The following PRKN variants were observed in gnomAD, a reference collection of about 807,000 sequenced individuals.
The protein encoded by PRKN is parkin RBR E3 ubiquitin protein ligase.
Under a neutral mutation model 59.5 loss-of-function variants are expected in PRKN, and 56 were observed. The observed-to-expected ratio is 0.94, with a 90% CI of 0.76 to 1.18. The LOEUF (loss-of-function observed/expected upper bound fraction) is 1.18, where lower values mean the gene tolerates loss of function less well. Ranked by LOEUF, PRKN falls within the 50% of genes most tolerant of loss-of-function variation. The pLI is 0.00. For synonymous variants in PRKN, 250 were observed against 222.1 expected, an observed-to-expected ratio of 1.13 and a Z score of -1.12; for missense variants, 657 against 596.4, an observed-to-expected ratio of 1.10 and a Z score of -1.06.
intron 9 of PRKN, among the ~76,000 whole-genome samples, chr6:161,531,395 A>AT (rs1470314689): frequency 6.6e-6 from 1 of 152,006 alleles, no homozygotes; most frequent in Non-Finnish European, 1.5e-5. Context: ...AAAAAAAAAA[A>AT]AATTAATTGT....
intron 1 of PRKN, among the ~76,000 whole-genome samples, chr6:162,623,583 T>C (rs1481136571): frequency 6.6e-6 from 1 of 152,228 alleles, no homozygotes; most frequent in South Asian, 2.1e-4. Context: ...AGCTAGAGAC[T>C]GGCCGAAGAA....
At chr6:162,345,085 C>T (rs564420325) in intron 2 of PRKN, among the ~76,000 whole-genome samples, 3 of 152,306 alleles carry the variant, frequency 2.0e-5, no homozygotes, top group Admixed American at 1.3e-4. Context: ...CTGAGTTCAT[C>T]CCCAGGCCCC....
intron 7 of PRKN, among the ~76,000 whole-genome samples, chr6:161,654,053 G>A (rs546837269): frequency 1.1e-3 from 164 of 151,872 alleles, no homozygotes; most frequent in African/African-American, 3.4e-3. Context: ...GGCTGGTCTC[G>A]ACTCTTGGCC....
chr6:162,608,873 G>A (rs1343037596), intron 1 of PRKN, among the ~76,000 whole-genome samples: 4 of 152,028 alleles, frequency 2.6e-5, no homozygotes, highest in African/African-American at 4.8e-5. Flanking sequence ...GGGACAGGAG[G>A]GTATCTACTG....
chr6:162,600,952 T>C (rs1302513839), intron 1 of PRKN, among the ~76,000 whole-genome samples: 1 of 152,192 alleles, frequency 6.6e-6, no homozygotes, highest in Non-Finnish European at 1.5e-5. Flanking sequence ...TTCTTTATAG[T>C]AGCGTAAGAA....
At position 161,445,852 on chromosome 6, in the gene PRKN, G is replaced by A. The variant is rs1441053273; in HGVS notation, c.1084-58975C>T. 6.7e-6 allele frequency among the ~76,000 whole-genome samples: 1 copy of A among 149,930 alleles called. No homozygotes were observed. The highest frequency in any genetic ancestry group is 1.5e-5 in the Non-Finnish European group (1 of 67,610). On this transcript the variant is annotated intron_variant, in intron 9 of 11. Coordinates refer to ENST00000366898, the MANE Select transcript of PRKN (RefSeq NM_004562.3). The surrounding 1 kb of genome is among the most constrained non-coding windows in gnomAD (Gnocchi z 7.7). ...TCCCTTCCCTATCGACAGCCTTGCAGGGTGGTGGTTTCCTTTGCCCGGAGA... is the reference window on the plus strand; with the variant it reads ...TCCCTTCCCTATCGACAGCCTTGCAAGGTGGTGGTTTCCTTTGCCCGGAGA...
chr6:162,269,355 T>A (rs1294801485), intron 2 of PRKN, among the ~76,000 whole-genome samples: 1 of 152,162 alleles, frequency 6.6e-6, no homozygotes, highest in Non-Finnish European at 1.5e-5. Context: ...TTTAAGCACA[T>A]ACCTAGAAGT....
chr6:161,528,869 C>T (rs182554183), intron 9 of PRKN, among the ~76,000 whole-genome samples: 3 of 152,054 alleles, frequency 2.0e-5, no homozygotes, highest in Non-Finnish European at 1.5e-5. Context: ...GAAATTAAGC[C>T]ACAACTGAAA....
intron 5 of PRKN, among the ~76,000 whole-genome samples, chr6:162,008,398 C>A (rs1240425122): frequency 6.6e-6 from 1 of 152,108 alleles, no homozygotes. Flanking sequence ...CAATTGGTAG[C>A]AGCTACAAAA....
At chr6:161,443,312 A>AG (rs1789332115) in intron 9 of PRKN, among the ~76,000 whole-genome samples, 1 of 147,064 alleles carries the variant, frequency 6.8e-6, no homozygotes. Flanking sequence ...TCCGTCTCAA[A>AG]AAAAAAAAAA....
chr6:161,564,979 C>A (rs1780586943), intron 8 of PRKN, among the ~76,000 whole-genome samples: 1 of 152,216 alleles, frequency 6.6e-6, no homozygotes, highest in East Asian at 1.9e-4. Flanking sequence ...GCCTGTTTGT[C>A]CAGTTCAACC....
chr6:161,364,973 G>T (rs2114874165), intron 10 of PRKN, among the ~76,000 whole-genome samples: 1 of 151,824 alleles, frequency 6.6e-6, no homozygotes, highest in Non-Finnish European at 1.5e-5. Flanking sequence ...TGCCGGACAA[G>T]AATAGCACAG....
intron 1 of PRKN, among the ~76,000 whole-genome samples, chr6:162,624,780 C>A (rs1344428779): frequency 6.6e-6 from 1 of 152,162 alleles, no homozygotes; most frequent in Non-Finnish European, 1.5e-5. Flanking sequence ...CTTAGCCTCC[C>A]AAAGTGCTGG....
intron 3 of PRKN, among the ~76,000 whole-genome samples, chr6:162,236,359 C>T (rs1234181414): frequency 1.3e-5 from 2 of 152,162 alleles, no homozygotes; most frequent in African/African-American, 4.8e-5. Context: ...ACCTCAACCC[C>T]AGCCAGCAGA....
intron 7 of PRKN, among the ~76,000 whole-genome samples, chr6:161,618,759 C>A (rs1260891616): frequency 3.3e-5 from 5 of 152,136 alleles, no homozygotes; most frequent in Admixed American, 1.3e-4. Flanking sequence ...TTTTATTATG[C>A]AAATGTATAA....
chr6:161,506,933 G>C (rs1778196309), intron 9 of PRKN, among the ~76,000 whole-genome samples: 1 of 152,134 alleles, frequency 6.6e-6, no homozygotes, highest in African/African-American at 2.4e-5. Context: ...GCCAGGAGCA[G>C]CCTCACAGGA....
At chr6:161,698,024 G>C (rs1786093657) in intron 7 of PRKN, among the ~76,000 whole-genome samples, 1 of 152,006 alleles carries the variant, frequency 6.6e-6, no homozygotes, top group South Asian at 2.1e-4. Flanking sequence ...CTTTAGTAAA[G>C]AAACATGCTT....
Position 161,377,799 on chromosome 6 carries a change from A to G in PRKN, c.1167+8995T>C, listed in dbSNP as rs1436893469. Among the ~76,000 whole-genome samples the G allele has an allele frequency of 6.6e-6, 1 of 152,102 alleles. No individual in the cohort carries two copies. On this transcript the variant is annotated intron_variant, in intron 10 of 11. Transcript: ENST00000366898. The surrounding 1 kb of genome is among the most constrained non-coding windows in gnomAD (Gnocchi z 4.2). ...AGAGAGCTGTCTTGCCCCTTCTACC[A>G]TGTGAGGGTATAGCTAGAAGACGTC...
intron 9 of PRKN, among the ~76,000 whole-genome samples, chr6:161,496,390 T>C (rs1777748845): frequency 6.6e-6 from 1 of 152,228 alleles, no homozygotes. Context: ...ATGCTGCTAA[T>C]AAAGACATAC....
Sources: allele counts gnomAD v4.1 joint callset (sites outside exome capture counted in the v4.1 genomes callset), GRCh38; gene constraint gnomAD v4.1.1; non-coding constraint Gnocchi (gnomAD v3.1); transcripts MANE v1.5; gene names NCBI Gene and HGNC (gene_info 2026-07-23, HGNC 2026-07-21).